TMEM200A: variants seen among roughly 807,000 people sequenced by gnomAD.
TMEM200A encodes the protein two transmembrane C.
A neutral mutation model predicts 24.3 loss-of-function variants in TMEM200A; 12 were observed. The observed-to-expected ratio is 0.49, with a 90% CI of 0.32 to 0.80. The LOEUF is 0.80. TMEM200A is among the 30% of genes least tolerant of loss of function. TMEM200A has a pLI of 0.04. For synonymous variants in TMEM200A, 224 were observed against 224.4 expected (o/e 1.00, Z 0.02); for missense variants, 545 against 614.4 (o/e 0.89, Z 1.19).
At chr6:130,425,496 A>G (rs1408144766) in intron 2 of TMEM200A, among the ~76,000 whole-genome samples, 1 of 152,208 alleles carries the variant, frequency 6.6e-6, no homozygotes, top group East Asian at 1.9e-4. Context: ...CTCAAAAAGT[A>G]ATATAAAAAT....
intron 2 of TMEM200A, among the ~76,000 whole-genome samples, chr6:130,419,697 C>G (rs573337640): frequency 4.6e-5 from 7 of 152,178 alleles, no homozygotes; most frequent in Non-Finnish European, 1.0e-4. Flanking sequence ...TTTGTGGAAT[C>G]AAGTAATTGA....
At chr6:130,378,145 A>T (rs886893479) in intron 1 of TMEM200A, among the ~76,000 whole-genome samples, 3 of 152,030 alleles carry the variant, frequency 2.0e-5, no homozygotes, top group African/African-American at 4.8e-5. Context: ...TCACAAGGAA[A>T]CTTTGGACTT....
intron 2 of TMEM200A, among the ~76,000 whole-genome samples, chr6:130,439,915 G>GT (rs1244305781): frequency 6.6e-6 from 1 of 152,078 alleles, no homozygotes; most frequent in African/African-American, 2.4e-5. Flanking sequence ...TGAATTGCTG[G>GT]AATGTATCCT....
At chr6:130,437,117 G>C (rs1209788062) in intron 2 of TMEM200A, 5 of 152,180 alleles carry the variant, frequency 3.3e-5, no homozygotes, top group Non-Finnish European at 1.5e-5. Context: ...TGTATAAATT[G>C]CAAGCATTTA....
intron 2 of TMEM200A, among the ~76,000 whole-genome samples, chr6:130,432,191 G>A (rs1779892970): frequency 1.3e-5 from 2 of 152,162 alleles, no homozygotes; most frequent in Non-Finnish European, 2.9e-5. Flanking sequence ...TTAGTTTTAT[G>A]CTTGGGTGTC....
At position 130,366,707 on chromosome 6, in the gene TMEM200A, TC is replaced by T. The variant is rs1212045464; in HGVS notation, c.-81+187del. ...ACCAAGTCCGCCATCAGGTCCAGAC[TC>T]CCCAGTCCCGGGAGCGCGAGAGAAG... is the stretch of plus-strand genomic sequence containing the variant. On this transcript the variant is annotated intron_variant, in intron 1 of 2. Transcript: ENST00000296978. The surrounding 1 kb of genome is among the most constrained non-coding windows in gnomAD (Gnocchi z 4.4). 6.6e-6 allele frequency among the ~76,000 whole-genome samples: 1 copy of T among 152,030 alleles called. No homozygotes were observed. The highest frequency in any genetic ancestry group is 1.9e-4 in the East Asian group (1 of 5,182).
intron 2 of TMEM200A, among the ~76,000 whole-genome samples, chr6:130,419,769 C>T (rs999536005): frequency 1.8e-4 from 28 of 152,332 alleles, no homozygotes; most frequent in African/African-American, 6.5e-4. Context: ...TACTCAGTGA[C>T]ACCACTTGTC....
chr6:130,400,016 C>A (rs1779045254), intron 2 of TMEM200A, among the ~76,000 whole-genome samples: 1 of 151,856 alleles, frequency 6.6e-6, no homozygotes, highest in Admixed American at 6.6e-5. Flanking sequence ...GCTGTTAATG[C>A]ATTCCTTTTT....
At chr6:130,422,837 T>C (rs1779632667) in intron 2 of TMEM200A, among the ~76,000 whole-genome samples, 1 of 152,192 alleles carries the variant, frequency 6.6e-6, no homozygotes, top group African/African-American at 2.4e-5. Flanking sequence ...ATATGAGTGT[T>C]CTTATTATAT....
At chr6:130,405,402 A>C (rs983777451) in intron 2 of TMEM200A, among the ~76,000 whole-genome samples, 1 of 150,584 alleles carries the variant, frequency 6.6e-6, no homozygotes, top group African/African-American at 2.4e-5. Flanking sequence ...TGGGTATTTT[A>C]TTTTTTTTTG....
At chr6:130,412,384 C>T (rs978507168) in intron 2 of TMEM200A, among the ~76,000 whole-genome samples, 9 of 152,182 alleles carry the variant, frequency 5.9e-5, no homozygotes, top group African/African-American at 9.6e-5. Context: ...TGATTCCCTG[C>T]GTGGCTGTGC....
rs182088199 is a variant in TMEM200A, at chr6:130,440,459, G to T, written c.37G>T (p.Ala13Ser). The change falls in exon 3 of 3, where the codon GCC (alanine) becomes TCC (serine). Residue 13 changes from alanine (A) to serine (S), a missense_variant. Coordinates refer to ENST00000296978, the MANE Select transcript of TMEM200A (RefSeq NM_001258277.2). ...ATGGVITGLA[A>S]LKRQDSARSQ... is the part of the protein sequence containing the mutation. ...TGGTGGAGTGATAACTGGCCTGGCCGCCTTGAAAAGGCAAGACTCTGCCAG... is the reference window on the plus strand; with the variant it reads ...TGGTGGAGTGATAACTGGCCTGGCCTCCTTGAAAAGGCAAGACTCTGCCAG... The T allele has an allele frequency of 1.9e-6, 3 of 1,601,152 alleles. No homozygotes were observed. Among genetic ancestry groups the T allele is most frequent in the South Asian group, 1.1e-5 (1 of 88,644 alleles).
intron 2 of TMEM200A, among the ~76,000 whole-genome samples, chr6:130,415,946 T>C (rs937151195): frequency 6.6e-6 from 1 of 152,192 alleles, no homozygotes; most frequent in Non-Finnish European, 1.5e-5. Flanking sequence ...ATACCAAATA[T>C]TTTCTAAATA....
intron 2 of TMEM200A, among the ~76,000 whole-genome samples, chr6:130,419,794 C>T (rs1202552432): frequency 6.6e-6 from 1 of 152,198 alleles, no homozygotes; most frequent in Admixed American, 6.5e-5. Context: ...TCTGTTCTTG[C>T]TCCTATAACA....
intron 2 of TMEM200A, chr6:130,421,231 A>G (rs1051233162): frequency 3.3e-5 from 5 of 152,048 alleles, no homozygotes; most frequent in African/African-American, 1.2e-4. Context: ...CATTCCCGAC[A>G]AGCTCACAGG....
chr6:130,391,241 A>T (rs1778824938), intron 2 of TMEM200A, among the ~76,000 whole-genome samples: 1 of 152,236 alleles, frequency 6.6e-6, no homozygotes, highest in African/African-American at 2.4e-5. Flanking sequence ...TAAAGAAGTT[A>T]TCAGTTATAA....
chr6:130,383,040 A>C, intron 1 of TMEM200A: 1 of 985,350 alleles, frequency 1.0e-6, no homozygotes, highest in Non-Finnish European at 1.2e-6. Flanking sequence ...GCATGATGTT[A>C]CACTGTGTTT....
chr6:130,369,878 G>C (rs893936307), intron 1 of TMEM200A, among the ~76,000 whole-genome samples: 13 of 152,144 alleles, frequency 8.5e-5, no homozygotes, highest in African/African-American at 3.1e-4. Flanking sequence ...GTGCACCAAG[G>C]GGGGACAAGT....
intron 2 of TMEM200A, among the ~76,000 whole-genome samples, chr6:130,424,046 A>T (rs903403158): frequency 6.6e-6 from 1 of 152,182 alleles, no homozygotes; most frequent in Non-Finnish European, 1.5e-5. Context: ...ACATATTTTT[A>T]AAATTTTTTC....
Sources: gnomAD v4.1 joint callset for allele counts (sites outside exome capture counted in the v4.1 genomes callset) on GRCh38, gnomAD v4.1.1 for gene constraint, Gnocchi (gnomAD v3.1) non-coding constraint, MANE v1.5 for transcripts, NCBI Gene and HGNC (gene_info 2026-07-23, HGNC 2026-07-21) for gene names.